RNF135: variants seen among roughly 807,000 people sequenced by gnomAD.
RNF135 encodes the protein E3 ubiquitin-protein ligase RNF135.
In RNF135, 46 loss-of-function variants were observed where a neutral mutation model predicts 41.9. That is an observed-to-expected ratio of 1.10 (90% CI 0.87 to 1.40). The LOEUF (loss-of-function observed/expected upper bound fraction) is 1.40. Ranked by LOEUF, RNF135 falls within the 40% of genes most tolerant of loss-of-function variation. RNF135 has a pLI of 0.00. For missense variants in RNF135, 539 were observed against 549.8 expected (o/e 0.98, Z 0.20); for synonymous variants, 238 against 223.8 (o/e 1.06, Z -0.57).
At chr17:30,985,867 C>T (rs1240270785) in intron 2 of RNF135, among the ~76,000 whole-genome samples, 4 of 152,176 alleles carry the variant, frequency 2.6e-5, no homozygotes, top group Non-Finnish European at 5.9e-5. Context: ...TGGCTCTGTG[C>T]GCTCTAGCTA....
At chr17:30,993,572 T>C (rs1908133573) in intron 3 of RNF135, among the ~76,000 whole-genome samples, 1 of 152,160 alleles carries the variant, frequency 6.6e-6, no homozygotes, top group African/African-American at 2.4e-5. Context: ...ATTTTCATGT[T>C]TAATGATATT....
intron 1 of RNF135, chr17:30,975,363 C>T (rs1906352492): frequency 2.7e-6 from 2 of 744,452 alleles, no homozygotes; most frequent in Admixed American, 1.8e-5. Context: ...CACCTGAGCC[C>T]AGGCACACAT....
intron 3 of RNF135, among the ~76,000 whole-genome samples, chr17:30,991,364 A>C (rs554592829): frequency 2.6e-5 from 4 of 151,864 alleles, no homozygotes; most frequent in South Asian, 2.1e-4. Flanking sequence ...ACTCTGACTC[A>C]AGAAAATACA....
chr17:30,992,333 G>T (rs923386572), intron 3 of RNF135, among the ~76,000 whole-genome samples: 2 of 151,292 alleles, frequency 1.3e-5, no homozygotes, highest in Non-Finnish European at 2.9e-5. Flanking sequence ...CTGCCAAATT[G>T]CTGGGATTAC....
At chr17:30,960,221 G>A in the RNF135 span, among the ~76,000 whole-genome samples, 1 of 151,542 alleles carries the variant, frequency 6.6e-6, no homozygotes, top group Middle Eastern at 3.5e-3. Flanking sequence ...GTGAAACCCC[G>A]TCTCTACTAA....
chr17:30,969,835 G>T (rs2142643965), upstream of RNF135, among the ~76,000 whole-genome samples: 1 of 148,608 alleles, frequency 6.7e-6, no homozygotes, highest in African/African-American at 2.5e-5. Context: ...CGCAGTCTTG[G>T]CTCACTGAAA....
At chr17:30,965,490 T>C in the RNF135 span, 1 of 152,200 alleles carries the variant, frequency 6.6e-6, no homozygotes, top group African/African-American at 2.4e-5. Flanking sequence ...AACAATATTC[T>C]AATTTTCCCA....
chr17:30,993,153 C>T (rs753912024), intron 3 of RNF135, among the ~76,000 whole-genome samples: 26 of 151,540 alleles, frequency 1.7e-4, no homozygotes, highest in African/African-American at 5.6e-4. Context: ...CTCCGCCTCC[C>T]GGGTTCAAGC....
At chr17:30,987,324 C>T (rs993593289) in intron 2 of RNF135, among the ~76,000 whole-genome samples, 2 of 152,020 alleles carry the variant, frequency 1.3e-5, no homozygotes, top group African/African-American at 4.8e-5. Context: ...CTCTACCTCC[C>T]GGGTTCAAGT....
intron 3 of RNF135, among the ~76,000 whole-genome samples, chr17:30,994,750 C>T (rs1908225792): frequency 1.3e-5 from 2 of 150,934 alleles, no homozygotes; most frequent in Non-Finnish European, 2.9e-5. Flanking sequence ...TCTCCTGCCT[C>T]AGCCTCCCAA....
chr17:30,960,078 T>C, the RNF135 span, among the ~76,000 whole-genome samples: 1 of 150,706 alleles, frequency 6.6e-6, no homozygotes, highest in Non-Finnish European at 1.5e-5. Flanking sequence ...ATGATATACA[T>C]ATATATATAT....
upstream of RNF135, among the ~76,000 whole-genome samples, chr17:30,969,950 T>A (rs1905757173): frequency 6.6e-6 from 1 of 151,952 alleles, no homozygotes; most frequent in African/African-American, 2.4e-5. Flanking sequence ...TTTCTTTTTG[T>A]ATTTTCAGTA....
intron 1 of RNF135, among the ~76,000 whole-genome samples, chr17:30,980,427 T>C (rs1907016038): frequency 7.0e-6 from 1 of 143,390 alleles, no homozygotes; most frequent in African/African-American, 2.6e-5. Context: ...GAGGGGCTCC[T>C]CACTTCCCAG....
intron 3 of RNF135, among the ~76,000 whole-genome samples, chr17:30,995,328 C>T (rs1178958897): frequency 6.6e-6 from 1 of 151,820 alleles, no homozygotes; most frequent in Non-Finnish European, 1.5e-5. Context: ...GTGGAGCTTG[C>T]AGTGAGCTGA....
At chr17:30,987,480 C>T (rs1907674107) in intron 2 of RNF135, among the ~76,000 whole-genome samples, 1 of 152,182 alleles carries the variant, frequency 6.6e-6, no homozygotes, top group African/African-American at 2.4e-5. Flanking sequence ...GTTCTACCCT[C>T]CTCAGCCTTC....
At chr17:30,974,207 A>T (rs1906241301) in intron 1 of RNF135, among the ~76,000 whole-genome samples, 1 of 152,226 alleles carries the variant, frequency 6.6e-6, no homozygotes, top group Admixed American at 6.5e-5. Flanking sequence ...CTGTCTCAAA[A>T]TAAATGTATA....
At chr17:30,961,585 C>T in the RNF135 span, among the ~76,000 whole-genome samples, 1 of 152,106 alleles carries the variant, frequency 6.6e-6, no homozygotes, top group African/African-American at 2.4e-5. Flanking sequence ...GCCTCAGCCT[C>T]CTGAGTAGCT....
chr17:30,975,388 G>A (rs1180938708), intron 1 of RNF135: 2 of 760,400 alleles, frequency 2.6e-6, no homozygotes, highest in East Asian at 2.4e-5. Flanking sequence ...ATTAGAAGAT[G>A]CCAGGCTCAG....
intron 1 of RNF135, among the ~76,000 whole-genome samples, chr17:30,982,449 A>T (rs1171842104): frequency 6.6e-6 from 1 of 152,138 alleles, no homozygotes; most frequent in Non-Finnish European, 1.5e-5. Flanking sequence ...CCCTTTCCTG[A>T]GTGCACAGAT....
Sources: gnomAD v4.1 joint callset for allele counts (sites outside exome capture counted in the v4.1 genomes callset) on GRCh38, gnomAD v4.1.1 for gene constraint, MANE v1.5 for transcripts, NCBI Gene and HGNC (gene_info 2026-07-23, HGNC 2026-07-21) for gene names.